DOCK3: variants seen among roughly 807,000 people sequenced by gnomAD.
DOCK3 encodes dedicator of cytokinesis 3.
DOCK3 carries 60 observed loss-of-function variants against 265.6 expected under a neutral mutation model. That is an observed-to-expected ratio of 0.23 (90% CI 0.18 to 0.28). The LOEUF is 0.28. Ranked by LOEUF, DOCK3 falls within the 10% of genes least tolerant of loss-of-function variation. The pLI is 1.00. For missense variants in DOCK3, 1,981 were observed against 2,594.3 expected (o/e 0.76, Z 5.14); for synonymous variants, 881 against 938.0 (o/e 0.94, Z 1.11).
At chr3:51,061,333 C>A (rs1328077121) in intron 5 of DOCK3, among the ~76,000 whole-genome samples, 1 of 152,110 alleles carries the variant, frequency 6.6e-6, no homozygotes, top group Non-Finnish European at 1.5e-5. Flanking sequence ...CAGTGATAGA[C>A]TGGATTAAGA....
intron 1 of DOCK3, among the ~76,000 whole-genome samples, chr3:50,741,150 A>T (rs1576300354): frequency 1.3e-5 from 2 of 151,528 alleles, no homozygotes; most frequent in South Asian, 4.1e-4. Flanking sequence ...TATATTATAT[A>T]TATGTATATA....
chr3:50,744,600 ATTTTTTGTG>A (rs1345923136), intron 1 of DOCK3, among the ~76,000 whole-genome samples: 1 of 151,884 alleles, frequency 6.6e-6, no homozygotes, highest in East Asian at 1.9e-4. Flanking sequence ...CACCTGGCTA[ATTTTTTGTG>A]TTTTTTGTAG....
At chr3:50,905,821 G>A (rs953508159) in intron 4 of DOCK3, among the ~76,000 whole-genome samples, 4 of 152,126 alleles carry the variant, frequency 2.6e-5, no homozygotes, top group African/African-American at 9.7e-5. Flanking sequence ...TGGTGAGACA[G>A]GGCATCCCTG....
chr3:50,851,004 T>C lies in DOCK3; in HGVS notation c.162+9289T>C, dbSNP rs539582836. The stretch of plus-strand genomic sequence containing the variant: ...GAAGTGGGGTCCATGATGGGTAGGG[T>C]GGACCATGCAGGTCTGCCTATAGGT... On this transcript the variant is annotated intron_variant, in intron 3 of 52. Coordinates refer to ENST00000266037, the MANE Select transcript of DOCK3 (RefSeq NM_004947.5). Among the ~76,000 whole-genome samples the C allele has an allele frequency of 5.9e-5, 9 of 152,254 alleles. No individual in the cohort carries two copies. In the South Asian group the frequency reaches 1.7e-3, roughly 28 times the overall value.
At chr3:50,708,459 G>A (rs920587417) in intron 1 of DOCK3, among the ~76,000 whole-genome samples, 4 of 152,196 alleles carry the variant, frequency 2.6e-5, no homozygotes, top group African/African-American at 7.2e-5. Flanking sequence ...GTGGACATGG[G>A]AAGATGTCAC....
chr3:50,796,094 G>T (rs1476046543), intron 2 of DOCK3, among the ~76,000 whole-genome samples: 1 of 151,618 alleles, frequency 6.6e-6, no homozygotes, highest in East Asian at 1.9e-4. Flanking sequence ...AGGCTGGAGT[G>T]CAGTGGTGTG....
intron 1 of DOCK3, among the ~76,000 whole-genome samples, chr3:50,721,595 T>A (rs1174336305): frequency 6.6e-6 from 1 of 152,170 alleles, no homozygotes; most frequent in Non-Finnish European, 1.5e-5. Flanking sequence ...TCTATAGCCT[T>A]GTAGTATAGT....
At chr3:51,246,415 G>A (rs1056361630) in intron 21 of DOCK3, among the ~76,000 whole-genome samples, 1 of 151,888 alleles carries the variant, frequency 6.6e-6, no homozygotes, top group Non-Finnish European at 1.5e-5. Flanking sequence ...CTATTTTTTT[G>A]TAGAGATAAG....
At chr3:50,863,938 C>T (rs755497115) in intron 3 of DOCK3, among the ~76,000 whole-genome samples, 1 of 152,158 alleles carries the variant, frequency 6.6e-6, no homozygotes, top group African/African-American at 2.4e-5. Flanking sequence ...GCAGCTCTAT[C>T]GTCCACACAC....
chr3:51,105,816 G>C (rs1411923483), intron 9 of DOCK3, among the ~76,000 whole-genome samples: 2 of 152,146 alleles, frequency 1.3e-5, no homozygotes, highest in African/African-American at 2.4e-5. Context: ...GATTGAAGGG[G>C]GAAGAAGCTG....
chr3:51,255,293 C>A (rs1576558644), intron 22 of DOCK3, among the ~76,000 whole-genome samples: 5 of 152,256 alleles, frequency 3.3e-5, no homozygotes, highest in Admixed American at 3.3e-4. Context: ...TCTGGCTGCC[C>A]TGAACAGTGT....
chr3:51,173,691 A>G (rs142486720), intron 12 of DOCK3, among the ~76,000 whole-genome samples: 10 of 152,302 alleles, frequency 6.6e-5, no homozygotes, highest in Admixed American at 5.2e-4. Flanking sequence ...TGATATTCTA[A>G]TAGAGATTCC....
At chr3:51,309,553 C>T (rs1354343685) in intron 27 of DOCK3, among the ~76,000 whole-genome samples, 4 of 152,130 alleles carry the variant, frequency 2.6e-5, no homozygotes, top group African/African-American at 7.2e-5. Context: ...AGCTTCGGCT[C>T]GGCATCAGAG....
intron 5 of DOCK3, among the ~76,000 whole-genome samples, chr3:50,970,640 C>T (rs1285110266): frequency 6.7e-6 from 1 of 149,112 alleles, no homozygotes; most frequent in East Asian, 2.0e-4. Flanking sequence ...GTGTGTATCT[C>T]TTCAGTAAAT....
Position 51,160,565 on chromosome 3 carries a change from C to T in DOCK3, c.900C>T (p.Leu300=), listed in dbSNP as rs763402596. 6.8e-6 allele frequency: 11 copies of T among 1,611,502 alleles called. No homozygotes were observed. The highest frequency in any genetic ancestry group is 1.6e-4 in the Middle Eastern group (1 of 6,068). ...VAHVIRIGRM[L]LNDSKKGPPH... is the part of the protein sequence containing the mutation. ...TCTGCTGTGCCCAAGGCCGGATGCT[C>T]CTGAACGACTCAAAGAAAGGTCCTC... is the stretch of plus-strand genomic sequence containing the variant. Residue 300 remains leucine (L), a synonymous_variant, in exon 12 of 53, where the codon CTC becomes CTT. Coordinates refer to ENST00000266037, the MANE Select transcript of DOCK3 (RefSeq NM_004947.5).
chr3:51,156,930 C>T (rs561633656), intron 10 of DOCK3, among the ~76,000 whole-genome samples: 1 of 152,238 alleles, frequency 6.6e-6, no homozygotes, highest in South Asian at 2.1e-4. Context: ...CTTCAGTAAT[C>T]AACATCTTTC....
intron 12 of DOCK3, among the ~76,000 whole-genome samples, chr3:51,161,079 G>GA (rs1436786447): frequency 0.029 from 1,520 of 52,934 alleles, 59 homozygotes; most frequent in African/African-American, 0.042. Context: ...CCGTTTCAAA[G>GA]AAAAAAAAAA....
At chr3:50,877,685 T>C (rs28688802) in intron 3 of DOCK3, 7 of 349,344 alleles carry the variant, frequency 2.0e-5, no homozygotes, top group African/African-American at 1.8e-4. Flanking sequence ...CTTTTCTTTT[T>C]CTTTTTTATG....
At chr3:50,840,286 T>C (rs2045754905) in intron 2 of DOCK3, among the ~76,000 whole-genome samples, 1 of 152,208 alleles carries the variant, frequency 6.6e-6, no homozygotes, top group Admixed American at 6.5e-5. Flanking sequence ...AGTTAAAAAG[T>C]CATTGCTGTA....
Sources: gnomAD v4.1 joint callset for allele counts (sites outside exome capture counted in the v4.1 genomes callset) on GRCh38, gnomAD v4.1.1 for gene constraint, MANE v1.5 for transcripts, NCBI Gene and HGNC (gene_info 2026-07-23, HGNC 2026-07-21) for gene names.